The following OTOG variants were observed in gnomAD, a reference collection of about 807,000 sequenced individuals.
OTOG encodes otogelin.
In OTOG, 296 loss-of-function variants were observed where a neutral mutation model predicts 313.8. The ratio of observed to expected loss-of-function variants is 0.94; its 90% CI spans 0.86 to 1.04. The LOEUF is 1.04. Ranked by LOEUF, OTOG falls within the 50% of genes least tolerant of loss-of-function variation. OTOG has a pLI of 0.00. For missense variants in OTOG, 3,948 were observed against 3,840.1 expected (o/e 1.03, Z -0.74); for synonymous variants, 1,533 against 1,554.9 (o/e 0.99, Z 0.33).
At chr11:17,612,961 T>C (rs559115368) in intron 38 of OTOG, among the ~76,000 whole-genome samples, 196 bp downstream of exon 38, 1 of 152,006 alleles carries the variant, frequency 6.6e-6, no homozygotes, top group East Asian at 1.9e-4. Context: ...TTGAGTGGAG[T>C]GTGCCACCTC....
At chr11:17,633,559 C>A in intron 42 of OTOG, 121 bp from the exon 43 acceptor site, 1 of 927,508 alleles carries the variant, frequency 1.1e-6, no homozygotes, top group Non-Finnish European at 1.6e-6. Context: ...CTTATGCACT[C>A]TCTGCTGAGG....
Position 17,599,936 on chromosome 11 carries a change from G to A in OTOG, c.3709+239G>A, listed in dbSNP as rs80080197. Among the ~76,000 whole-genome samples, 5,580 of 152,248 alleles carry A rather than the reference G, an allele frequency of 0.037. 113 individuals carry two copies. Among genetic ancestry groups the A allele is most frequent in the South Asian group, 0.076 (365 of 4,812 alleles). ...CCGGGGCCCAGGCAGGCCAGCTCCC[G>A]GGGACTGTGCTCGGCAGGGCAGCCC... On this transcript the variant is annotated intron_variant, in intron 31 of 55. Coordinates refer to ENST00000399397, the MANE Select transcript of OTOG (RefSeq NM_001292063.2).
At chr11:17,565,222 T>A (rs1852272617) in intron 15 of OTOG, among the ~76,000 whole-genome samples, 1 of 152,194 alleles carries the variant, frequency 6.6e-6, no homozygotes, top group Non-Finnish European at 1.5e-5. Flanking sequence ...TCCTCAGATT[T>A]CCCTTGTTTA....
chr11:17,599,654 T>G lies in OTOG; in HGVS notation c.3683-17T>G, dbSNP rs1223141555. ...TCTGGGCTGGCTCTCAGGAAGTTCC[T>G]GTTCTCTCTCTTTCAGCGTATGACT... is the stretch of plus-strand genomic sequence containing the variant. On this transcript the variant is annotated splice_polypyrimidine_tract_variant and intron_variant, in intron 30 of 55. Coordinates refer to ENST00000399397, the MANE Select transcript of OTOG (RefSeq NM_001292063.2). 7 of 1,550,654 alleles carry G rather than the reference T, an allele frequency of 4.5e-6. No homozygotes were observed. Among genetic ancestry groups the G allele is most frequent in the Non-Finnish European group, 6.1e-6 (7 of 1,147,002 alleles).
chr11:17,619,568 T>C (rs1853812192), intron 39 of OTOG, among the ~76,000 whole-genome samples: 1 of 152,166 alleles, frequency 6.6e-6, no homozygotes, highest in Non-Finnish European at 1.5e-5. Flanking sequence ...TCTCCTTCAG[T>C]GGTTGCTTTA....
intron 35 of OTOG, 91 bp from the exon 36 acceptor site, chr11:17,609,564 G>A: frequency 8.4e-7 from 1 of 1,189,786 alleles, no homozygotes; most frequent in Non-Finnish European, 1.2e-6. Flanking sequence ...GAGAGTGCCA[G>A]TCCTCAAGCC....
At position 17,608,283 on chromosome 11, in the gene OTOG, T is replaced by C; in HGVS notation, c.4157-13T>C. ...CACCTGACCCAGAGTTGCTGCCCCA[T>C]CTCACTTTCTAGATGCCAAGCCCTC... On this transcript the variant is annotated splice_polypyrimidine_tract_variant and intron_variant, in intron 33 of 55. Transcript: ENST00000399397. 6.6e-7 allele frequency: 1 copy of C among 1,507,602 alleles called. No individual in the cohort carries two copies. The highest frequency in any genetic ancestry group is 2.6e-5 in the East Asian group (1 of 39,140). The allele number at this position is 1,507,602 out of a possible 1,614,324, so 93.4% of individuals were successfully genotyped here.
chr11:17,620,532 G>A (rs937241907), intron 39 of OTOG, among the ~76,000 whole-genome samples: 2 of 152,118 alleles, frequency 1.3e-5, no homozygotes, highest in Non-Finnish European at 2.9e-5. Flanking sequence ...TGGCTATTTT[G>A]AATAGTGCTG....
Position 17,641,054 on chromosome 11 carries a change from A to ACAC in OTOG, c.8158_8160dup (p.Thr2720dup), listed in dbSNP as rs749534085. On this transcript the variant is annotated inframe_insertion, in exon 51 of 56. Transcript: ENST00000399397. ...CCTCTCACCAACTTCTACCAGATCA[A>ACAC]CACCACCTCCGTGCTCTGTGACATC... 6.7e-4 allele frequency: 859 copies of ACAC among 1,288,090 alleles called. No homozygotes were observed. The highest frequency in any genetic ancestry group is 8.1e-4 in the Non-Finnish European group (799 of 988,850). The allele number at this position is 1,288,090 out of a possible 1,614,324, so 79.8% of individuals were successfully genotyped here. A position where few individuals can be genotyped will look rare whatever the true frequency, so the allele number is the denominator to read the frequency against.
intron 29 of OTOG, 98 bp downstream of exon 29, chr11:17,596,252 T>C: frequency 3.4e-6 from 3 of 888,324 alleles, no homozygotes; most frequent in Non-Finnish European, 5.4e-6. Context: ...AGGAGACAGC[T>C]CAGATCTCCA....
In OTOG at chr11:17,570,509, A is replaced by G. The variant is rs1039560177; in HGVS notation, c.1955+119A>G. 1.2e-5 allele frequency: 11 copies of G among 923,602 alleles called. No homozygotes were observed. In the East Asian group the frequency reaches 2.4e-4, roughly 20 times the overall value. 57.2% of individuals were successfully genotyped at this position (923,602 alleles called of 1,614,324 possible). A position where few individuals can be genotyped will look rare whatever the true frequency, so the allele number is the denominator to read the frequency against. ...GCCTTCACTGTGCCCAGCATGCACCATTAGTTATTGATTTCTCTACATTTA... is the reference window on the plus strand; with the variant it reads ...GCCTTCACTGTGCCCAGCATGCACCGTTAGTTATTGATTTCTCTACATTTA... On this transcript the variant is annotated intron_variant, in intron 17 of 55. Coordinates refer to ENST00000399397, the MANE Select transcript of OTOG (RefSeq NM_001292063.2).
chr11:17,562,782 C>T (rs1458636863), intron 15 of OTOG, among the ~76,000 whole-genome samples: 1 of 152,138 alleles, frequency 6.6e-6, no homozygotes, highest in African/African-American at 2.4e-5. Context: ...CAACATTCGT[C>T]CCTCCCTTCC....
At position 17,613,698 on chromosome 11, in the gene OTOG, A is replaced by T. The variant is rs1211616153; in HGVS notation, c.6525A>T (p.Arg2175=). Residue 2175 remains arginine, a synonymous_variant, in exon 39 of 56, where the codon CGA becomes CGT. Coordinates refer to ENST00000399397, the MANE Select transcript of OTOG (RefSeq NM_001292063.2). ...AHQVTIDRFN[R]KVTVDLQPVW... ...AGGTCACTATTGATCGCTTCAACCG[A>T]AAGGTGAGTGCATCAAACAGCCAGC... 3.9e-5 allele frequency: 60 copies of T among 1,550,486 alleles called. No individual in the cohort carries two copies. The highest frequency in any genetic ancestry group is 5.1e-5 in the Non-Finnish European group (59 of 1,146,862).
At position 17,593,957 on chromosome 11, in the gene OTOG, T is replaced by C. The variant is rs1853023228; in HGVS notation, c.3289-90T>C. On this transcript the variant is annotated intron_variant, in intron 27 of 55. Transcript: ENST00000399397. ...ACCTCAGCAGTGGCTTCTAGGTCTA[T>C]GATAGACTCCTGGGCTCATGGTGAC... is the stretch of plus-strand genomic sequence containing the variant. 6.0e-6 allele frequency: 9 copies of C among 1,510,114 alleles called. No homozygotes were observed. The East Asian group carries it at 1.7e-4, about 29-fold the overall frequency. 93.5% of individuals were successfully genotyped at this position (1,510,114 alleles called of 1,614,324 possible).
chr11:17,559,482 C>A, intron 11 of OTOG, 52 bp from the exon 12 acceptor site: 3 of 1,549,176 alleles, frequency 1.9e-6, no homozygotes, highest in Non-Finnish European at 2.6e-6. Context: ...GAGCTGGGTC[C>A]TGGCAGAGCT....
At position 17,641,707 on chromosome 11, in the gene OTOG, A is replaced by G. The variant is rs1378183100; in HGVS notation, c.8191-140A>G. ...AGGGATGATTAGCTGCCTGTGACAG[A>G]AGGAGGCTGGGAGCGCCTCTTCTCG... On this transcript the variant is annotated intron_variant, in intron 51 of 55. Transcript: ENST00000399397. 8 of 608,910 alleles carry G rather than the reference A, an allele frequency of 1.3e-5. No individual in the cohort carries two copies. In the East Asian group the frequency reaches 1.7e-4, roughly 13 times the overall value. 37.7% of individuals were successfully genotyped at this position (608,910 alleles called of 1,614,324 possible). A position where few individuals can be genotyped will look rare whatever the true frequency, so the allele number is the denominator to read the frequency against.
intron 24 of OTOG, 128 bp from the exon 25 acceptor site, chr11:17,591,322 T>A: frequency 3.2e-6 from 4 of 1,253,178 alleles, no homozygotes; most frequent in Non-Finnish European, 4.3e-6. Context: ...CTGTTAGAGG[T>A]TGGTGTTTGT....
intron 39 of OTOG, among the ~76,000 whole-genome samples, chr11:17,615,278 C>G (rs535071174): frequency 8.0e-4 from 122 of 152,248 alleles, no homozygotes; most frequent in African/African-American, 2.8e-3. Context: ...ACATATAAAT[C>G]TAATTTTCCA....
At chr11:17,633,556 ACT>A (rs1362228244) in intron 42 of OTOG, 122 bp from the exon 43 acceptor site, 2 of 893,890 alleles carry the variant, frequency 2.2e-6, no homozygotes, top group Non-Finnish European at 1.6e-6. Flanking sequence ...TAACTTATGC[ACT>A]CTCTGCTGAG....
Sources: gnomAD v4.1 joint callset for allele counts (sites outside exome capture counted in the v4.1 genomes callset) on GRCh38, gnomAD v4.1.1 for gene constraint, MANE v1.5 for transcripts, NCBI Gene and HGNC (gene_info 2026-07-23, HGNC 2026-07-21) for gene names.